The following CAPZB variants were observed in gnomAD, a reference collection of about 807,000 sequenced individuals.
CAPZB encodes capping actin protein of muscle Z-line subunit beta.
Under a neutral mutation model 38.1 loss-of-function variants are expected in CAPZB, and 2 were observed. The observed-to-expected ratio is 0.05, with a 90% CI of 0.02 to 0.17. The LOEUF is 0.17. Among genes scored for constraint, CAPZB ranks in the 10% least tolerant of loss-of-function variants. CAPZB has a pLI of 1.00. For missense variants in CAPZB, 161 were observed against 334.2 expected, an observed-to-expected ratio of 0.48 and a Z score of 4.04; for synonymous variants, 107 against 127.4, an observed-to-expected ratio of 0.84 and a Z score of 1.08.
intron 8 of CAPZB, among the ~76,000 whole-genome samples, chr1:19,341,458 TA>T (rs142526661): frequency 0.013 from 1,913 of 152,212 alleles, 48 homozygotes; most frequent in African/African-American, 0.044. Flanking sequence ...GTTCCAGAGC[TA>T]GAATCATGTT....
chr1:19,453,597 T>C (rs2094523754), intron 1 of CAPZB, among the ~76,000 whole-genome samples: 1 of 152,144 alleles, frequency 6.6e-6, no homozygotes, highest in Non-Finnish European at 1.5e-5. Context: ...CTGGGAAGCC[T>C]TGTACCCGTG....
chr1:19,341,736 T>G (rs1269657068), intron 8 of CAPZB, among the ~76,000 whole-genome samples: 2 of 152,238 alleles, frequency 1.3e-5, no homozygotes, highest in Non-Finnish European at 2.9e-5. Context: ...TGGAAATGCC[T>G]GATGGCCACA....
At chr1:19,480,393 T>C (rs1233014981) in intron 1 of CAPZB, among the ~76,000 whole-genome samples, 10 of 152,204 alleles carry the variant, frequency 6.6e-5, no homozygotes, top group Non-Finnish European at 1.3e-4. Context: ...GCCGCCTCAC[T>C]GACAGTCACA....
chr1:19,369,251 T>C (rs557052052), intron 4 of CAPZB, among the ~76,000 whole-genome samples: 111 of 152,358 alleles, frequency 7.3e-4, no homozygotes, highest in African/African-American at 2.6e-3. Context: ...CAAGCCTGTC[T>C]AGATCCACTC....
chr1:19,442,861 T>C (rs1197876276), intron 1 of CAPZB, among the ~76,000 whole-genome samples: 1 of 152,148 alleles, frequency 6.6e-6, no homozygotes, highest in African/African-American at 2.4e-5. Context: ...TCAGCTTGGC[T>C]GCCTACTCCA....
At chr1:19,398,154 G>A (rs1328203533) in intron 2 of CAPZB, among the ~76,000 whole-genome samples, 1 of 144,102 alleles carries the variant, frequency 6.9e-6, no homozygotes, top group African/African-American at 2.5e-5. Flanking sequence ...CCTCAAGTCC[G>A]AGAGGATCTG....
chr1:19,344,281 A>C, intron 8 of CAPZB, 77 bp downstream of exon 8: 1 of 1,175,458 alleles, frequency 8.5e-7, no homozygotes, highest in Non-Finnish European at 1.3e-6. Context: ...GCCCAAGACC[A>C]CACAGCTAGT....
Position 19,342,798 on chromosome 1 carries a change from C to T in CAPZB, c.731+1560G>A, listed in dbSNP as rs758951858. On this transcript the variant is annotated intron_variant, in intron 8 of 8. Coordinates refer to ENST00000264202, the MANE Select transcript of CAPZB (RefSeq NM_004930.5). ...GCTGGATGTAGATCTGGCGCTGGGT[C>T]AGCACTTGAGAGAGCTCCCTCTGCA... 6.2e-6 allele frequency: 10 copies of T among 1,612,384 alleles called. No homozygotes were observed. In the East Asian group the frequency reaches 1.8e-4, roughly 29 times the overall value.
intron 1 of CAPZB, chr1:19,449,173 C>G: frequency 7.8e-7 from 1 of 1,289,094 alleles, no homozygotes; most frequent in Non-Finnish European, 9.9e-7. Context: ...ACAAAGTGCA[C>G]TGCGGTGTCT....
intron 1 of CAPZB, among the ~76,000 whole-genome samples, chr1:19,420,683 G>C (rs1222641969): frequency 6.6e-6 from 1 of 151,988 alleles, no homozygotes; most frequent in Non-Finnish European, 1.5e-5. Context: ...GAACTGCCTT[G>C]GCCTCCCAAA....
chr1:19,343,539 A>G (rs1354534011), intron 8 of CAPZB, among the ~76,000 whole-genome samples: 1 of 152,230 alleles, frequency 6.6e-6, no homozygotes, highest in East Asian at 1.9e-4. Context: ...TCGACTGGAC[A>G]AGGGCCTCTG....
intron 4 of CAPZB, among the ~76,000 whole-genome samples, chr1:19,373,585 A>C (rs910710162): frequency 1.3e-5 from 2 of 152,106 alleles, no homozygotes; most frequent in Non-Finnish European, 2.9e-5. Context: ...CTATCTGAGG[A>C]GGCTGGTGTG....
chr1:19,379,731 C>G (rs993325765), intron 3 of CAPZB, among the ~76,000 whole-genome samples: 1 of 152,156 alleles, frequency 6.6e-6, no homozygotes, highest in Non-Finnish European at 1.5e-5. Context: ...ATCAGGAAAG[C>G]ATTTAATCAC....
rs141549483 is a variant in CAPZB, at chr1:19,367,926, C to A, written c.330-10363G>T. 1.4e-3 allele frequency among the ~76,000 whole-genome samples: 218 copies of A among 152,280 alleles called. 1 individual carries two copies. Among genetic ancestry groups the A allele is most frequent in the African/African-American group, 5.0e-3 (209 of 41,544 alleles). On this transcript the variant is annotated intron_variant, in intron 4 of 8. Transcript: ENST00000264202. ...GCCAAACTGTCCACACTTGGCACCA[C>A]TGCGACTGTCTTCTGCCCTCTGGAC...
chr1:19,394,237 T>C (rs1039602785), intron 2 of CAPZB, among the ~76,000 whole-genome samples: 2 of 152,160 alleles, frequency 1.3e-5, no homozygotes, highest in African/African-American at 4.8e-5. Context: ...CCGTCCTCCT[T>C]GCCCTCTCAA....
chr1:19,373,254 C>T (rs2100396593), intron 4 of CAPZB, among the ~76,000 whole-genome samples: 1 of 152,254 alleles, frequency 6.6e-6, no homozygotes, highest in East Asian at 1.9e-4. Context: ...CCCCTACTCG[C>T]CTTTTGCCCA....
At chr1:19,421,240 C>T (rs1333706722) in intron 1 of CAPZB, among the ~76,000 whole-genome samples, 4 of 152,152 alleles carry the variant, frequency 2.6e-5, no homozygotes, top group Non-Finnish European at 5.9e-5. Flanking sequence ...TGAATATTAC[C>T]GTTTACACTC....
At chr1:19,438,636 A>C (rs1039180630) in intron 1 of CAPZB, among the ~76,000 whole-genome samples, 1 of 152,200 alleles carries the variant, frequency 6.6e-6, no homozygotes, top group Admixed American at 6.5e-5. Context: ...ATCCTCGCTT[A>C]AGCGCGGGGC....
rs61055694 is a variant in CAPZB, at chr1:19,481,620, G to A, written c.3+3816C>T. ...CAGGCTGGACAAAGCTACCCAGGCT[G>A]GACTTCCAAGGTACTGTAAGGTTTC... On this transcript the variant is annotated intron_variant, in intron 1 of 8. Transcript: ENST00000264202. 0.013 allele frequency among the ~76,000 whole-genome samples: 1,919 copies of A among 152,284 alleles called. 117 individuals are homozygous for A. The East Asian group carries it at 0.19, about 15-fold the overall frequency.
Sources: gnomAD v4.1 joint callset for allele counts (sites outside exome capture counted in the v4.1 genomes callset) on GRCh38, gnomAD v4.1.1 for gene constraint, MANE v1.5 for transcripts, NCBI Gene and HGNC (gene_info 2026-07-23, HGNC 2026-07-21) for gene names.